FSTL5: variants seen among roughly 807,000 people sequenced by gnomAD.
The protein encoded by FSTL5 is follistatin like 5.
Under a neutral mutation model 89.1 loss-of-function variants are expected in FSTL5, and 62 were observed. That is an observed-to-expected ratio of 0.70 (90% CI 0.57 to 0.86). The LOEUF (loss-of-function observed/expected upper bound fraction) is 0.86, where lower values mean the gene tolerates loss of function less well. FSTL5 is among the 40% of genes least tolerant of loss of function. The pLI, the probability that FSTL5 is intolerant of heterozygous loss-of-function variation, is 0.00. For synonymous variants in FSTL5, 383 were observed against 346.2 expected (o/e 1.11, Z -1.18); for missense variants, 1,057 against 1,001.6 (o/e 1.06, Z -0.75).
intron 2 of FSTL5, among the ~76,000 whole-genome samples, chr4:162,068,473 G>T (rs1353769348): frequency 2.0e-5 from 3 of 152,120 alleles, no homozygotes; most frequent in Non-Finnish European, 4.4e-5. Flanking sequence ...TTTAATAAAT[G>T]TTGCTGTGAG....
chr4:162,017,989 TTGTC>T (rs982997830), intron 3 of FSTL5, among the ~76,000 whole-genome samples: 1 of 152,104 alleles, frequency 6.6e-6, no homozygotes, highest in African/African-American at 2.4e-5. Flanking sequence ...CAGCCTGACT[TTGTC>T]TGTTCCCCTC....
chr4:161,392,361 G>A (rs1185218336), intron 15 of FSTL5, among the ~76,000 whole-genome samples: 2 of 151,948 alleles, frequency 1.3e-5, no homozygotes, highest in East Asian at 1.9e-4. Flanking sequence ...TGAGTAGCTG[G>A]GACTACAGGC....
At chr4:161,879,249 C>A (rs959462034) in intron 4 of FSTL5, among the ~76,000 whole-genome samples, 2 of 152,136 alleles carry the variant, frequency 1.3e-5, no homozygotes, top group Non-Finnish European at 2.9e-5. Flanking sequence ...TTCTTCACAC[C>A]TCCATTGCTA....
At chr4:162,005,554 G>C (rs929633513) in intron 3 of FSTL5, among the ~76,000 whole-genome samples, 1 of 152,098 alleles carries the variant, frequency 6.6e-6, no homozygotes, top group Non-Finnish European at 1.5e-5. Context: ...AGAAAATTCA[G>C]AGTTGGAGAG....
At chr4:161,687,390 AC>A (rs1173313018) in intron 6 of FSTL5, among the ~76,000 whole-genome samples, 3 of 152,110 alleles carry the variant, frequency 2.0e-5, no homozygotes, top group Non-Finnish European at 4.4e-5. Flanking sequence ...TATTTTTATT[AC>A]CCTTATGCAT....
intron 8 of FSTL5, among the ~76,000 whole-genome samples, chr4:161,580,928 C>A (rs1357998230): frequency 6.6e-6 from 1 of 152,058 alleles, no homozygotes; most frequent in Non-Finnish European, 1.5e-5. Flanking sequence ...GATGAGGAGG[C>A]CTGTGTGGGC....
chr4:161,928,236 T>G (rs1471441875), intron 3 of FSTL5, among the ~76,000 whole-genome samples: 1 of 151,834 alleles, frequency 6.6e-6, no homozygotes, highest in Admixed American at 6.6e-5. Context: ...TTTGGCTTCC[T>G]AGCTCATTTC....
chr4:162,081,547 A>C (rs1730098417), intron 2 of FSTL5, among the ~76,000 whole-genome samples: 1 of 151,698 alleles, frequency 6.6e-6, no homozygotes, highest in African/African-American at 2.4e-5. Flanking sequence ...GACATAGGTA[A>C]GAAAGAAAGA....
intron 10 of FSTL5, among the ~76,000 whole-genome samples, chr4:161,530,015 G>A (rs769899362): frequency 5.6e-5 from 8 of 143,004 alleles, no homozygotes; most frequent in Non-Finnish European, 7.7e-5. Context: ...AGATTAATAA[G>A]ATCCTACATA....
intron 2 of FSTL5, among the ~76,000 whole-genome samples, chr4:162,063,456 T>C (rs1193297733): frequency 6.6e-6 from 1 of 151,894 alleles, no homozygotes; most frequent in Admixed American, 6.6e-5. Context: ...ATCAATATGC[T>C]GTATCAACTA....
At chr4:161,763,401 A>G (rs1740876297) in intron 5 of FSTL5, among the ~76,000 whole-genome samples, 1 of 152,168 alleles carries the variant, frequency 6.6e-6, no homozygotes, top group Admixed American at 6.5e-5. Context: ...ATAGAGAGGT[A>G]TGGGTGTTAG....
At chr4:161,534,331 CT>C (rs1476159052) in intron 10 of FSTL5, among the ~76,000 whole-genome samples, 3 of 152,042 alleles carry the variant, frequency 2.0e-5, no homozygotes, top group Non-Finnish European at 4.4e-5. Context: ...ATAAAAAACC[CT>C]AATGATGCTG....
At chr4:162,136,687 A>G (rs1490582255) in intron 1 of FSTL5, among the ~76,000 whole-genome samples, 2 of 152,110 alleles carry the variant, frequency 1.3e-5, no homozygotes, top group Non-Finnish European at 2.9e-5. Context: ...AAAATTATAC[A>G]TTTCTTACCT....
At chr4:161,906,253 G>A (rs375198695) in intron 4 of FSTL5, among the ~76,000 whole-genome samples, 158 of 151,936 alleles carry the variant, frequency 1.0e-3, no homozygotes, top group African/African-American at 3.5e-3. Context: ...ACTAGTTATC[G>A]GCGGTTAAAG....
At chr4:161,743,690 C>T (rs754049761) in intron 6 of FSTL5, among the ~76,000 whole-genome samples, 8 of 152,072 alleles carry the variant, frequency 5.3e-5, no homozygotes, top group Non-Finnish European at 8.8e-5. Context: ...AAATCTGCCA[C>T]ATTTGCAGCT....
chr4:161,788,219 T>C (rs954180315), intron 4 of FSTL5, among the ~76,000 whole-genome samples: 1 of 152,192 alleles, frequency 6.6e-6, no homozygotes, highest in Non-Finnish European at 1.5e-5. Context: ...GGGTAAGTAG[T>C]ATATCCATCA....
At chr4:161,576,218 C>T (rs1733203280) in intron 8 of FSTL5, among the ~76,000 whole-genome samples, 1 of 152,056 alleles carries the variant, frequency 6.6e-6, no homozygotes, top group South Asian at 2.1e-4. Flanking sequence ...TAGGAAGAAT[C>T]AATATCATGA....
At chr4:161,977,612 C>CAAAAAAAAAAAAAAAAAAA (rs796909244) in intron 3 of FSTL5, among the ~76,000 whole-genome samples, 1 of 95,140 alleles carries the variant, frequency 1.1e-5, no homozygotes, top group Non-Finnish European at 2.1e-5. Context: ...GACTCCGTGT[C>CAAAAAAAAAAAAAAAAAAA]AAAAAAAAAA....
intron 4 of FSTL5, among the ~76,000 whole-genome samples, chr4:161,787,852 G>T (rs1267962050): frequency 6.6e-6 from 1 of 152,092 alleles, no homozygotes; most frequent in East Asian, 1.9e-4. Flanking sequence ...CAAAGATAGG[G>T]TTCAAGATAA....
Sources: gnomAD v4.1 joint callset for allele counts (sites outside exome capture counted in the v4.1 genomes callset) on GRCh38, gnomAD v4.1.1 for gene constraint, MANE v1.5 for transcripts, NCBI Gene and HGNC (gene_info 2026-07-23, HGNC 2026-07-21) for gene names.